GRIK4: variants seen among roughly 807,000 people sequenced by gnomAD.
GRIK4 encodes glutamate receptor ionotropic, kainate 4.
GRIK4 carries 40 observed loss-of-function variants against 104.9 expected under a neutral mutation model. The ratio of observed to expected loss-of-function variants is 0.38; its 90% CI spans 0.30 to 0.50. GRIK4 has a LOEUF of 0.50. GRIK4 is among the 20% of genes least tolerant of loss of function. GRIK4 has a pLI of 0.93. For missense variants in GRIK4, 1,047 were observed against 1,308.1 expected, an observed-to-expected ratio of 0.80 and a Z score of 3.08; for synonymous variants, 485 against 524.9, an observed-to-expected ratio of 0.92 and a Z score of 1.04.
rs372100902 is a variant in GRIK4, at chr11:120,746,988, C to T, written c.83-55705C>T. 8.7e-4 allele frequency among the ~76,000 whole-genome samples: 133 copies of T among 152,272 alleles called. 3 individuals carry two copies. The South Asian group carries it at 0.019, about 21-fold the overall frequency. On this transcript the variant is annotated intron_variant, in intron 3 of 20. Coordinates refer to ENST00000527524, the MANE Select transcript of GRIK4 (RefSeq NM_014619.5). ...ACCACATCCCCTTCTGAGCCAGGGA[C>T]GATGGGCTTGCTCTAAGAATGAAAT... is the stretch of plus-strand genomic sequence containing the variant.
intron 14 of GRIK4, among the ~76,000 whole-genome samples, chr11:120,948,244 C>T (rs188389449): frequency 4.4e-4 from 67 of 152,310 alleles, no homozygotes; most frequent in African/African-American, 1.5e-3. Context: ...GACTATATCA[C>T]AAGCAACCTT....
chr11:120,695,525 C>T (rs111819334), intron 3 of GRIK4, among the ~76,000 whole-genome samples: 2,128 of 152,334 alleles, frequency 0.014, 46 homozygotes, highest in African/African-American at 0.046. Flanking sequence ...GCGCCAAGGA[C>T]ACTTGAGGCC....
chr11:120,740,531 C>T (rs1396767947), intron 3 of GRIK4, among the ~76,000 whole-genome samples: 1 of 152,184 alleles, frequency 6.6e-6, no homozygotes, highest in Non-Finnish European at 1.5e-5. Context: ...TGCACTCCAC[C>T]CATATAGGGC....
rs183493595 is a variant in GRIK4 at position 120,513,400 on chromosome 11, C to T, written c.-159+1513C>T. 7.3e-4 allele frequency among the ~76,000 whole-genome samples: 111 copies of T among 152,210 alleles called. 1 individual carries two copies. The highest frequency in any genetic ancestry group is 4.3e-4 in the Non-Finnish European group (29 of 68,008). On this transcript the variant is annotated intron_variant, in intron 1 of 20. Transcript: ENST00000527524. This position sits in a 1 kb window ranked among gnomAD's most constrained non-coding sequence, Gnocchi z 4.5. The stretch of plus-strand genomic sequence containing the variant: ...CTGACTCCCTGACTGTCTGTGCTCG[C>T]GTGGTCAGGGGCGAGGGGCTTGTCG...
chr11:120,612,232 A>G (rs1471344567), intron 1 of GRIK4, among the ~76,000 whole-genome samples: 1 of 152,124 alleles, frequency 6.6e-6, no homozygotes, highest in Non-Finnish European at 1.5e-5. Flanking sequence ...GGGTCCATCT[A>G]TAGTAGACTT....
intron 1 of GRIK4, among the ~76,000 whole-genome samples, chr11:120,642,261 G>A (rs1252959945): frequency 6.6e-6 from 1 of 152,128 alleles, no homozygotes; most frequent in Non-Finnish European, 1.5e-5. Context: ...AGCCCAGGAG[G>A]TCCAGGCTGC....
intron 13 of GRIK4, among the ~76,000 whole-genome samples, chr11:120,909,900 G>T (rs1942954600): frequency 6.6e-6 from 1 of 152,202 alleles, no homozygotes; most frequent in Admixed American, 6.5e-5. Flanking sequence ...TCCCTCCAAA[G>T]TTCACATGTT....
intron 6 of GRIK4, among the ~76,000 whole-genome samples, chr11:120,828,879 A>G (rs1351957581): frequency 6.6e-6 from 1 of 152,130 alleles, no homozygotes; most frequent in African/African-American, 2.4e-5. Flanking sequence ...TCCCCAGTTT[A>G]TCTGACATCT....
At chr11:120,689,967 T>G (rs1372051498) in intron 3 of GRIK4, among the ~76,000 whole-genome samples, 1 of 152,238 alleles carries the variant, frequency 6.6e-6, no homozygotes, top group African/African-American at 2.4e-5. Context: ...TCGAATGGGC[T>G]TTCCATGTGT....
chr11:120,976,832 G>T (rs12575147), intron 19 of GRIK4, among the ~76,000 whole-genome samples: 4 of 152,064 alleles, frequency 2.6e-5, no homozygotes, highest in Non-Finnish European at 5.9e-5. Flanking sequence ...CTCACTTTTT[G>T]TTCAAAAGGA....
In GRIK4 at chr11:120,760,883, A is replaced by G. The variant is rs112219091; in HGVS notation, c.83-41810A>G. On this transcript the variant is annotated intron_variant, in intron 3 of 20. Coordinates refer to ENST00000527524, the MANE Select transcript of GRIK4 (RefSeq NM_014619.5). The stretch of plus-strand genomic sequence containing the variant: ...TTTGGGTTGGTTCCAAGTCCTTGCT[A>G]TTGTGAATAGTGCTGCAGTAAACAT... Among the ~76,000 whole-genome samples the G allele has an allele frequency of 1.1e-3, 164 of 151,862 alleles. 2 individuals carry two copies. Among genetic ancestry groups the G allele is most frequent in the African/African-American group, 3.8e-3 (157 of 41,390 alleles).
At position 120,878,598 on chromosome 11, in the gene GRIK4, T is replaced by G. The variant is rs111389599; in HGVS notation, c.1164+3355T>G. Among the ~76,000 whole-genome samples, 718 of 139,858 alleles carry G rather than the reference T, an allele frequency of 5.1e-3. 3 individuals carry two copies. Among genetic ancestry groups the G allele is most frequent in the African/African-American group, 0.018 (676 of 37,234 alleles). The allele number at this position is 139,858 out of a possible 152,430, so 91.8% of individuals were successfully genotyped here. On this transcript the variant is annotated intron_variant, in intron 11 of 20. Coordinates refer to ENST00000527524, the MANE Select transcript of GRIK4 (RefSeq NM_014619.5). ...GGACTTGTGAAGTGGATGGTGATCA[T>G]TCTCTTTATGCCCCGCCCCCCCCCC... is the stretch of plus-strand genomic sequence containing the variant.
At chr11:120,565,597 C>A (rs950107185) in intron 1 of GRIK4, among the ~76,000 whole-genome samples, 1 of 152,104 alleles carries the variant, frequency 6.6e-6, no homozygotes. Context: ...CAATATTGTA[C>A]GAGGTACAAC....
intron 1 of GRIK4, among the ~76,000 whole-genome samples, chr11:120,536,982 G>A (rs1414708561): frequency 6.6e-6 from 1 of 152,230 alleles, no homozygotes; most frequent in Non-Finnish European, 1.5e-5. Context: ...CACCCTGTGA[G>A]CATGTGCTCT....
chr11:120,753,801 A>G (rs1951604273), intron 3 of GRIK4, among the ~76,000 whole-genome samples: 1 of 152,168 alleles, frequency 6.6e-6, no homozygotes, highest in Non-Finnish European at 1.5e-5. Flanking sequence ...GCTGAGATGA[A>G]TTTACATAAC....
chr11:120,572,582 C>T (rs1948415344), intron 1 of GRIK4, among the ~76,000 whole-genome samples: 1 of 152,122 alleles, frequency 6.6e-6, no homozygotes, highest in African/African-American at 2.4e-5. Context: ...TCTTTCTCTC[C>T]CTCCCGTCTT....
chr11:120,605,761 G>A (rs1435348760), intron 1 of GRIK4, among the ~76,000 whole-genome samples: 1 of 152,210 alleles, frequency 6.6e-6, no homozygotes, highest in African/African-American at 2.4e-5. Context: ...GTGGAGAGGT[G>A]GCACAAGCTT....
intron 1 of GRIK4, among the ~76,000 whole-genome samples, chr11:120,577,355 G>A (rs1281893276): frequency 6.6e-6 from 1 of 152,042 alleles, no homozygotes; most frequent in Non-Finnish European, 1.5e-5. Flanking sequence ...GAAGTCCTAT[G>A]GGAAGAGTGG....
chr11:120,607,231 C>G (rs1005697910), intron 1 of GRIK4, among the ~76,000 whole-genome samples: 2 of 152,180 alleles, frequency 1.3e-5, no homozygotes, highest in African/African-American at 4.8e-5. Flanking sequence ...TTGGTGGGCC[C>G]TTAGGCTGGG....
Sources: gnomAD v4.1 joint callset for allele counts (sites outside exome capture counted in the v4.1 genomes callset) on GRCh38, gnomAD v4.1.1 for gene constraint, Gnocchi (gnomAD v3.1) non-coding constraint, MANE v1.5 for transcripts, NCBI Gene and HGNC (gene_info 2026-07-23, HGNC 2026-07-21) for gene names.